TTC7A: variants seen among roughly 807,000 people sequenced by gnomAD.
TTC7A encodes the protein tetratricopeptide repeat domain 7A.
Under a neutral mutation model 103.7 loss-of-function variants are expected in TTC7A, and 110 were observed. The observed-to-expected ratio is 1.06, with a 90% CI of 0.91 to 1.24. The LOEUF is 1.24. Among genes scored for constraint, TTC7A ranks in the 50% most tolerant of loss-of-function variants. The pLI, the probability that TTC7A is intolerant of heterozygous loss-of-function variation, is 0.00. For synonymous variants in TTC7A, 521 were observed against 467.9 expected (o/e 1.11, Z -1.47); for missense variants, 1,340 against 1,116.3 (o/e 1.20, Z -2.86).
chr2:46,945,437 A>G (rs1670846898), intron 1 of TTC7A, among the ~76,000 whole-genome samples: 1 of 152,184 alleles, frequency 6.6e-6, no homozygotes, highest in South Asian at 2.1e-4. Flanking sequence ...ATTTTTAGAG[A>G]CGAGGTTTCA....
At position 46,987,804 on chromosome 2, in the gene TTC7A, CCGCG is replaced by C. The variant is rs141264278; in HGVS notation, c.765-5643_765-5640del. 3.4e-3 allele frequency among the ~76,000 whole-genome samples: 475 copies of C among 137,976 alleles called. 3 individuals carry two copies. Among genetic ancestry groups the C allele is most frequent in the African/African-American group, 0.012 (416 of 35,482 alleles). The allele number at this position is 137,976 out of a possible 152,430, so 90.5% of individuals were successfully genotyped here. On this transcript the variant is annotated intron_variant, in intron 5 of 19. Transcript: ENST00000319190. ...AGGCCGGTGAAAGCACTGTCCCTTT[CCGCG>C]CGTGTGTGTGTGTGTGTGTGTGTGT...
At chr2:47,012,123 GTCC>G (rs1441421913) in intron 11 of TTC7A, among the ~76,000 whole-genome samples, 1 of 152,222 alleles carries the variant, frequency 6.6e-6, no homozygotes, top group Non-Finnish European at 1.5e-5. Context: ...CCTTGCTGTA[GTCC>G]TCCTGCCCTG....
At chr2:46,955,567 G>A (rs75650323) in intron 2 of TTC7A, among the ~76,000 whole-genome samples, 3,699 of 152,300 alleles carry the variant, frequency 0.024, 159 homozygotes, top group African/African-American at 0.084. Context: ...GACCTGGTTA[G>A]GCCAGGGGGA....
chr2:46,974,988 G>A lies in TTC7A; in HGVS notation c.533G>A (p.Arg178His), dbSNP rs757371551. 1.3e-5 allele frequency: 21 copies of A among 1,613,704 alleles called. No homozygotes were observed. Among genetic ancestry groups the A allele is most frequent in the Non-Finnish European group, 1.7e-5 (20 of 1,179,836 alleles). The change falls in exon 4 of 20, where the codon CGC becomes CAC. Residue 178 changes from arginine to histidine, a missense_variant. By Grantham distance (29) the Arg-to-His change is conservative (BLOSUM62 0). Coordinates refer to ENST00000319190, the MANE Select transcript of TTC7A (RefSeq NM_020458.4). ...AFVIKGLSLE[R>H]LPNSIASRFR... ...CCTCCCGCAGGCCTCTCTCTGGAACGCCTACCCAACTCCATCGCCTCCCGC... is the reference window on the plus strand; with the variant it reads ...CCTCCCGCAGGCCTCTCTCTGGAACACCTACCCAACTCCATCGCCTCCCGC...
rs553962608 is a variant in TTC7A at position 46,993,380 on chromosome 2, G to C, written c.765-70G>C. The C allele has an allele frequency of 4.1e-6, 6 of 1,452,846 alleles. No homozygotes were observed. The South Asian group carries it at 6.8e-5, about 17-fold the overall frequency. The allele number at this position is 1,452,846 out of a possible 1,614,324, so 90.0% of individuals were successfully genotyped here. On this transcript the variant is annotated intron_variant, in intron 5 of 19. Coordinates refer to ENST00000319190, the MANE Select transcript of TTC7A (RefSeq NM_020458.4). The stretch of plus-strand genomic sequence containing the variant: ...CAGTCAGCTCCTCCTGGGGTCTGCT[G>C]GTGTGCTGAGAGCATCCTTCTTTGC...
chr2:46,956,810 G>A, intron 2 of TTC7A, 29 bp from the exon 3 acceptor site: 1 of 1,612,630 alleles, frequency 6.2e-7, no homozygotes, highest in Non-Finnish European at 8.5e-7. Flanking sequence ...TTTGGGGCAG[G>A]CGCTGGTAAC....
At chr2:46,998,471 G>C (rs868345213) in intron 8 of TTC7A, among the ~76,000 whole-genome samples, 14 of 152,116 alleles carry the variant, frequency 9.2e-5, no homozygotes, top group African/African-American at 3.4e-4. Context: ...CTCCTGCCCT[G>C]ATACCTCTCA....
intron 5 of TTC7A, among the ~76,000 whole-genome samples, chr2:46,992,527 TG>T (rs1675737554): frequency 6.6e-6 from 1 of 152,168 alleles, no homozygotes; most frequent in Admixed American, 6.5e-5. Context: ...GCTTGAGTGC[TG>T]GGGGCTGAGG....
rs1361742077 is a variant in TTC7A, at chr2:46,990,574, G to A, written c.765-2876G>A. Reference sequence around the variant, plus strand: ...CATATGATCTTCAAGACCCAAATTAGAAGGAGAAAGGAAGAGAATATTTAA... The same window carrying A: ...CATATGATCTTCAAGACCCAAATTAAAAGGAGAAAGGAAGAGAATATTTAA... On this transcript the variant is annotated intron_variant, in intron 5 of 19. Coordinates refer to ENST00000319190, the MANE Select transcript of TTC7A (RefSeq NM_020458.4). Among the ~76,000 whole-genome samples the A allele has an allele frequency of 2.6e-5, 4 of 152,220 alleles. No individual in the cohort carries two copies. In the East Asian group the frequency reaches 7.7e-4, roughly 29 times the overall value.
chr2:46,995,158 A>G lies in TTC7A; in HGVS notation c.1024A>G (p.Ile342Val), dbSNP rs149020036. 3 of 1,614,044 alleles carry G rather than the reference A, an allele frequency of 1.9e-6. No individual in the cohort carries two copies. The highest frequency in any genetic ancestry group is 2.7e-5 in the African/African-American group (2 of 74,920). Residue 342 changes from isoleucine to valine, a missense_variant, in exon 8 of 20, where the codon ATC becomes GTC. Transcript: ENST00000319190. Reference sequence around the variant, plus strand: ...CAGCCTCTACTGCCCCAAGGACAACATCGAGGAAGCCCTCCTGCTCCTCCT... The same window carrying G: ...CAGCCTCTACTGCCCCAAGGACAACGTCGAGGAAGCCCTCCTGCTCCTCCT... ...GDNLYCPKDN[I>V]EEALLLLLIS...
intron 2 of TTC7A, among the ~76,000 whole-genome samples, chr2:46,934,399 T>C (rs1409220015): frequency 6.6e-6 from 1 of 152,116 alleles, no homozygotes; most frequent in Non-Finnish European, 1.5e-5. Context: ...GCTGGTATTA[T>C]AGATGCATGC....
At chr2:47,047,223 G>T (rs1206817098) in intron 16 of TTC7A, 1 of 1,160,006 alleles carries the variant, frequency 8.6e-7, no homozygotes, top group Non-Finnish European at 1.3e-6. Context: ...TCTCCCTGAG[G>T]CCTCAGGGGA....
At position 46,917,214 on chromosome 2, in the gene TTC7A, C is replaced by G. The variant is rs753536073; in HGVS notation, c.19C>G (p.Arg7Gly). 5.7e-6 allele frequency: 4 copies of G among 700,810 alleles called. No homozygotes were observed. The South Asian group carries it at 5.9e-5, about 10-fold the overall frequency. 43.4% of individuals were successfully genotyped at this position (700,810 alleles called of 1,614,324 possible). Residue 7 changes from arginine (R) to glycine (G), a missense_variant, in exon 2 of 21, where the codon CGA becomes GGA. Transcript: ENST00000409245. ...AGTCTCCATGGTGCCCAGCTCGTCT[C>G]GAACTCCTGGGTTCAAGCAATCCTC... is the stretch of plus-strand genomic sequence containing the variant.
chr2:47,014,389 A>G (rs1401300202), intron 11 of TTC7A, among the ~76,000 whole-genome samples: 5 of 152,310 alleles, frequency 3.3e-5, no homozygotes, highest in South Asian at 4.1e-4. Context: ...GGCACTGTAA[A>G]GAGAGCAGGC....
intron 1 of TTC7A, among the ~76,000 whole-genome samples, chr2:46,945,650 C>T (rs998672934): frequency 1.3e-5 from 2 of 152,204 alleles, no homozygotes; most frequent in African/African-American, 4.8e-5. Context: ...CTTGATCTCC[C>T]AAAGTGCTGG....
At position 47,024,335 on chromosome 2, in the gene TTC7A, G is replaced by C; in HGVS notation, c.1617G>C (p.Ser539=). 6.2e-7 allele frequency: 1 copy of C among 1,607,126 alleles called. No homozygotes were observed. The highest frequency in any genetic ancestry group is 8.5e-7 in the Non-Finnish European group (1 of 1,176,922). Residue 539 remains serine, a synonymous_variant, in exon 14 of 20, where the codon TCG becomes TCC. Coordinates refer to ENST00000319190, the MANE Select transcript of TTC7A (RefSeq NM_020458.4). ...PSDPQVILYV[S]LQLALVRQIS... ...ACCCCCAGGTCATCCTCTATGTCTC[G>C]CTGCAGCTGGCCCTCGTCCGACAGG...
intron 2 of TTC7A, among the ~76,000 whole-genome samples, chr2:46,927,552 G>C (rs1258502039): frequency 1.3e-5 from 2 of 151,846 alleles, no homozygotes; most frequent in East Asian, 1.9e-4. Context: ...AGTGGAGACA[G>C]GGTTTCACCG....
At chr2:46,919,200 T>G (rs1668971981) in intron 2 of TTC7A, among the ~76,000 whole-genome samples, 1 of 152,244 alleles carries the variant, frequency 6.6e-6, no homozygotes, top group Non-Finnish European at 1.5e-5. Context: ...ATTACTTATT[T>G]GGAAAAATAA....
intron 8 of TTC7A, among the ~76,000 whole-genome samples, chr2:46,998,267 C>G (rs907199782): frequency 4.6e-5 from 7 of 152,160 alleles, no homozygotes; most frequent in African/African-American, 1.7e-4. Flanking sequence ...TGGCAATGAA[C>G]TTAGTTTTAG....
Sources: allele counts gnomAD v4.1 joint callset (sites outside exome capture counted in the v4.1 genomes callset), GRCh38; gene constraint gnomAD v4.1.1; transcripts MANE v1.5; gene names NCBI Gene and HGNC (gene_info 2026-07-23, HGNC 2026-07-21).